The following ZNF516 variants were observed in gnomAD, a reference collection of about 807,000 sequenced individuals.
ZNF516 encodes zinc finger protein 516.
A neutral mutation model predicts 79.7 loss-of-function variants in ZNF516; 19 were observed. The ratio of observed to expected loss-of-function variants is 0.24; its 90% confidence interval spans 0.17 to 0.35. The LOEUF is 0.35. Among genes scored for constraint, ZNF516 ranks in the 10% least tolerant of loss-of-function variants. The pLI, the probability that ZNF516 is intolerant of heterozygous loss-of-function variation, is 1.00. For missense variants in ZNF516, 1,678 were observed against 1,679.5 expected, an observed-to-expected ratio of 1.00 and a Z score of 0.02; for synonymous variants, 877 against 739.5, an observed-to-expected ratio of 1.19 and a Z score of -3.02.
intron 3 of ZNF516, among the ~76,000 whole-genome samples, chr18:76,412,815 T>C (rs540947095): frequency 9.7e-4 from 148 of 152,276 alleles, no homozygotes; most frequent in Non-Finnish European, 1.8e-3. Flanking sequence ...TCCTCTCCTC[T>C]CCCAAAGAAC....
chr18:76,475,336 G>A (rs1426069108), intron 1 of ZNF516, among the ~76,000 whole-genome samples: 1 of 152,130 alleles, frequency 6.6e-6, no homozygotes. Context: ...TATTAAGTTG[G>A]CCAAGACTTA....
At chr18:76,420,679 T>C (rs2075494946) in intron 3 of ZNF516, among the ~76,000 whole-genome samples, 1 of 152,178 alleles carries the variant, frequency 6.6e-6, no homozygotes, top group Non-Finnish European at 1.5e-5. Flanking sequence ...CAAGCCTCTA[T>C]TTCACCTTGC....
rs553320574 is a variant in ZNF516, at chr18:76,466,900, C to T, written c.-271-3759G>A. Among the ~76,000 whole-genome samples, 5 of 152,316 alleles carry T rather than the reference C, an allele frequency of 3.3e-5. No homozygotes were observed. The South Asian group carries it at 6.2e-4, about 19-fold the overall frequency. ...TGGTGGTGATGCCACGGGCGGTGAA[C>T]GTGGGGAGCAAACATGGGAAGGGAT... is the stretch of plus-strand genomic sequence containing the variant. On this transcript the variant is annotated intron_variant, in intron 1 of 6. Coordinates refer to ENST00000443185, the MANE Select transcript of ZNF516 (RefSeq NM_014643.4).
intron 3 of ZNF516, among the ~76,000 whole-genome samples, chr18:76,390,247 G>A (rs951646740): frequency 2.0e-5 from 3 of 152,136 alleles, no homozygotes; most frequent in African/African-American, 7.2e-5. Context: ...CAGGTAGTTG[G>A]GTACTGAACA....
intron 6 of ZNF516, among the ~76,000 whole-genome samples, chr18:76,367,861 C>T (rs2074640827): frequency 6.6e-6 from 1 of 152,188 alleles, no homozygotes; most frequent in Non-Finnish European, 1.5e-5. Context: ...TTTCCAAATA[C>T]TGTTTCAATT....
chr18:76,382,699 C>T (rs536920440), intron 3 of ZNF516, among the ~76,000 whole-genome samples: 5 of 152,184 alleles, frequency 3.3e-5, no homozygotes, highest in Middle Eastern at 3.4e-3. Context: ...TCACTTGGGG[C>T]CAGGAGTTCG....
At chr18:76,389,915 A>G (rs2075047234) in intron 3 of ZNF516, among the ~76,000 whole-genome samples, 1 of 152,124 alleles carries the variant, frequency 6.6e-6, no homozygotes, top group Non-Finnish European at 1.5e-5. Context: ...ACATGACCTC[A>G]CCTGTGGTCC....
chr18:76,450,267 C>T (rs539187716), intron 2 of ZNF516, among the ~76,000 whole-genome samples: 1 of 151,570 alleles, frequency 6.6e-6, no homozygotes, highest in Non-Finnish European at 1.5e-5. Flanking sequence ...ATAAATCCTA[C>T]TTGCCACTCC....
In ZNF516 at chr18:76,442,266, C is replaced by T. The variant is rs774745941; in HGVS notation, c.789G>A (p.Leu263=). 2.5e-6 allele frequency: 4 copies of T among 1,613,556 alleles called. No homozygotes were observed. The Admixed American group carries it at 5.0e-5, about 20-fold the overall frequency. The part of the protein sequence containing the change: ...CGQAFSQTWF[L]KAHMKKHRGS... ...CCCGGTGCTTCTTCATGTGCGCCTT[C>T]AGGAACCAGGTCTGGCTGAAGGCCT... Residue 263 remains leucine (L), a synonymous_variant, in exon 3 of 7, where the codon CTG becomes CTA. Coordinates refer to ENST00000443185, the MANE Select transcript of ZNF516 (RefSeq NM_014643.4).
chr18:76,379,862 G>A lies in ZNF516; in HGVS notation c.2252C>T (p.Ser751Phe), dbSNP rs369474214. Residue 751 changes from serine (S) to phenylalanine (F), a missense_variant, in exon 4 of 7, where the codon TCC (serine) becomes TTC (phenylalanine). Ser to Phe is a radical substitution (Grantham distance 155). Coordinates refer to ENST00000443185, the MANE Select transcript of ZNF516 (RefSeq NM_014643.4). ...RDDPSNKETA[S>F]SLQAALVVHP... ...AACGACTAAAGCCGCCTGCAGGGAG[G>A]AGGCCGTCTCCTTATTGCTGGGGTC... The A allele has an allele frequency of 3.2e-5, 51 of 1,613,782 alleles. No homozygotes were observed. Among genetic ancestry groups the A allele is most frequent in the Non-Finnish European group, 4.2e-5 (50 of 1,179,882 alleles).
intron 1 of ZNF516, among the ~76,000 whole-genome samples, chr18:76,477,849 G>A (rs1453820653): frequency 2.0e-5 from 3 of 151,946 alleles, no homozygotes; most frequent in Non-Finnish European, 4.4e-5. Context: ...GCTTTAAGAA[G>A]CATCTTCTTA....
At chr18:76,399,257 T>C (rs113405191) in intron 3 of ZNF516, among the ~76,000 whole-genome samples, 2,357 of 152,324 alleles carry the variant, frequency 0.015, 29 homozygotes, top group Middle Eastern at 0.041. Flanking sequence ...AAATGCAAAA[T>C]GCACATGTCT....
chr18:76,478,375 T>C (rs781222383), intron 1 of ZNF516, among the ~76,000 whole-genome samples: 1 of 152,184 alleles, frequency 6.6e-6, no homozygotes, highest in Admixed American at 6.5e-5. Flanking sequence ...TAAGAGTTTC[T>C]AGGTTTTGTA....
chr18:76,438,089 G>A (rs761966912), intron 3 of ZNF516, among the ~76,000 whole-genome samples: 1 of 152,218 alleles, frequency 6.6e-6, no homozygotes, highest in Non-Finnish European at 1.5e-5. Context: ...ACGGGGCACC[G>A]CTTGTGCATT....
intron 3 of ZNF516, among the ~76,000 whole-genome samples, chr18:76,391,448 C>T (rs977184563): frequency 1.3e-5 from 2 of 152,152 alleles, no homozygotes; most frequent in African/African-American, 2.4e-5. Flanking sequence ...TAACCCTAAT[C>T]CAACTCTAAC....
chr18:76,466,692 G>A (rs1913493114), intron 1 of ZNF516, among the ~76,000 whole-genome samples: 2 of 152,242 alleles, frequency 1.3e-5, no homozygotes, highest in South Asian at 4.1e-4. Flanking sequence ...TGGGATGGGT[G>A]TGAGGCAAGA....
chr18:76,391,224 G>C (rs944074559), intron 3 of ZNF516, among the ~76,000 whole-genome samples: 4 of 152,094 alleles, frequency 2.6e-5, no homozygotes, highest in Non-Finnish European at 5.9e-5. Context: ...TGAGCGTAAG[G>C]GCTCTGGCCG....
chr18:76,450,007 T>C (rs1375805663), intron 2 of ZNF516, among the ~76,000 whole-genome samples: 1 of 152,244 alleles, frequency 6.6e-6, no homozygotes, highest in African/African-American at 2.4e-5. Context: ...CAATATGGAC[T>C]GGATATTACA....
Position 76,379,109 on chromosome 18 carries a change from G to A in ZNF516, c.3005C>T (p.Pro1002Leu). Reference sequence around the variant, plus strand: ...CAGCTCCTGGGCTGCCTTCGAGGGGGGCTCGCGGGGAGGTAGAGGAGGAGC... The same window carrying A: ...CAGCTCCTGGGCTGCCTTCGAGGGGAGCTCGCGGGGAGGTAGAGGAGGAGC... Reference protein sequence around the residue: ...GGAPPLPPREPPSKAAQELRT... With the variant: ...GGAPPLPPRELPSKAAQELRT... The change falls in exon 4 of 7, where the codon CCC becomes CTC. Residue 1002 changes from proline to leucine, a missense_variant. Around this residue, in one of 5 missense-constraint regions of ZNF516, gnomAD observed 1,294 missense variants for 1,248.3 expected, o/e 1.04. Transcript: ENST00000443185. The A allele has an allele frequency of 6.2e-7, 1 of 1,611,818 alleles. No individual in the cohort carries two copies.
Sources: gnomAD v4.1 joint callset for allele counts (sites outside exome capture counted in the v4.1 genomes callset) on GRCh38, gnomAD v4.1.1 for gene constraint, gnomAD v4.1.1 regional missense constraint, MANE v1.5 for transcripts, NCBI Gene and HGNC (gene_info 2026-07-23, HGNC 2026-07-21) for gene names.